PRKCH: variants seen among roughly 807,000 people sequenced by gnomAD.
The protein encoded by PRKCH is protein kinase C eta type.
A neutral mutation model predicts 82.5 loss-of-function variants in PRKCH; 28 were observed. The ratio of observed to expected loss-of-function variants is 0.34; its 90% CI spans 0.25 to 0.47. The LOEUF (loss-of-function observed/expected upper bound fraction) is 0.47, where lower values mean the gene tolerates loss of function less well. Among genes scored for constraint, PRKCH ranks in the 20% least tolerant of loss-of-function variants. The pLI, the probability that PRKCH is intolerant of heterozygous loss-of-function variation, is 1.00. For missense variants in PRKCH, 705 were observed against 881.8 expected (o/e 0.80, Z 2.54); for synonymous variants, 322 against 327.4 (o/e 0.98, Z 0.18).
intron 1 of PRKCH, among the ~76,000 whole-genome samples, chr14:61,229,651 T>C (rs1329930698): frequency 6.6e-6 from 1 of 151,802 alleles, no homozygotes; most frequent in African/African-American, 2.4e-5. Flanking sequence ...CATTGGAGGG[T>C]GGATTGGAAA....
chr14:61,293,596 A>T (rs79223966), intron 1 of PRKCH, among the ~76,000 whole-genome samples: 6,172 of 152,232 alleles, frequency 0.041, 201 homozygotes, highest in East Asian at 0.13. Context: ...GATTTTTTTT[A>T]AAATTGTTAA....
At chr14:61,411,607 A>C (rs1882273359) in intron 2 of PRKCH, among the ~76,000 whole-genome samples, 1 of 152,210 alleles carries the variant, frequency 6.6e-6, no homozygotes, top group African/African-American at 2.4e-5. Flanking sequence ...GAGTTTTTTC[A>C]AACTGCCTTA....
intron 1 of PRKCH, among the ~76,000 whole-genome samples, chr14:61,240,284 G>T (rs187384182): frequency 2.6e-5 from 4 of 152,190 alleles, no homozygotes; most frequent in Non-Finnish European, 5.9e-5. Context: ...CCCACATGCC[G>T]CAGAAAGCAG....
At chr14:61,341,587 CATCA>C (rs2045930396) in intron 1 of PRKCH, among the ~76,000 whole-genome samples, 1 of 152,204 alleles carries the variant, frequency 6.6e-6, no homozygotes, top group East Asian at 1.9e-4. Context: ...CCCACAGTTT[CATCA>C]TAGGGTAGTT....
At chr14:61,233,666 T>TTA (rs2044763001) in intron 1 of PRKCH, among the ~76,000 whole-genome samples, 1 of 152,164 alleles carries the variant, frequency 6.6e-6, no homozygotes, top group Non-Finnish European at 1.5e-5. Context: ...CCTCATGCTG[T>TTA]TCTTATAATA....
At chr14:61,265,497 A>C (rs1344830552) in intron 1 of PRKCH, among the ~76,000 whole-genome samples, 1 of 152,076 alleles carries the variant, frequency 6.6e-6, no homozygotes, top group Non-Finnish European at 1.5e-5. Flanking sequence ...CAAAAACAAA[A>C]ACCCTCACTT....
intron 2 of PRKCH, among the ~76,000 whole-genome samples, chr14:61,420,467 T>G (rs536391479): frequency 6.6e-6 from 1 of 152,292 alleles, no homozygotes; most frequent in South Asian, 2.1e-4. Flanking sequence ...ACGCATAGGC[T>G]CAGGGAGGGA....
intron 1 of PRKCH, among the ~76,000 whole-genome samples, chr14:61,242,434 G>A (rs1290343364): frequency 3.9e-5 from 6 of 152,228 alleles, no homozygotes; most frequent in African/African-American, 1.2e-4. Context: ...GAGTCTCACT[G>A]TCGCCCAGGC....
chr14:61,482,799 G>A (rs1490573678), intron 9 of PRKCH, among the ~76,000 whole-genome samples: 2 of 152,212 alleles, frequency 1.3e-5, no homozygotes, highest in African/African-American at 4.8e-5. Flanking sequence ...TGCCTCCAGG[G>A]CTGTAGATGG....
intron 10 of PRKCH, among the ~76,000 whole-genome samples, chr14:61,486,668 TTTTCTTTC>T (rs202061595): frequency 2.7e-5 from 4 of 149,864 alleles, no homozygotes; most frequent in South Asian, 2.1e-4. Flanking sequence ...GTTTTATTTC[TTTTCTTTC>T]TTTCTTTCTT....
At chr14:61,497,011 T>C (rs903128037) in intron 10 of PRKCH, among the ~76,000 whole-genome samples, 1 of 152,190 alleles carries the variant, frequency 6.6e-6, no homozygotes, top group African/African-American at 2.4e-5. Context: ...AATGAAAGCC[T>C]TCTGGAAAGT....
At chr14:61,230,229 C>T (rs968979676) in intron 1 of PRKCH, among the ~76,000 whole-genome samples, 5 of 152,170 alleles carry the variant, frequency 3.3e-5, no homozygotes, top group African/African-American at 1.2e-4. Flanking sequence ...AATGCATACG[C>T]TTCCTGTTTT....
intron 1 of PRKCH, among the ~76,000 whole-genome samples, chr14:61,367,585 T>C (rs1452249105): frequency 6.6e-6 from 1 of 151,980 alleles, no homozygotes; most frequent in Non-Finnish European, 1.5e-5. Context: ...CTGGCCTCTG[T>C]TGGACGTTTT....
At chr14:61,500,487 A>G (rs1886856503) in intron 10 of PRKCH, among the ~76,000 whole-genome samples, 1 of 152,082 alleles carries the variant, frequency 6.6e-6, no homozygotes, top group African/African-American at 2.4e-5. Context: ...TTGAACCACC[A>G]TGCCCATCCT....
intron 2 of PRKCH, among the ~76,000 whole-genome samples, chr14:61,431,837 T>C (rs529471164): frequency 1.3e-5 from 2 of 152,372 alleles, no homozygotes; most frequent in South Asian, 4.1e-4. Flanking sequence ...TTATCTGACG[T>C]TAATGTGGCT....
chr14:61,214,631 G>A (rs1290423824), intron 1 of PRKCH, among the ~76,000 whole-genome samples: 1 of 151,982 alleles, frequency 6.6e-6, no homozygotes, highest in African/African-American at 2.4e-5. Context: ...CTCTTCCTGG[G>A]GGGTAGTTTT....
intron 10 of PRKCH, among the ~76,000 whole-genome samples, chr14:61,491,078 C>A (rs1886432905): frequency 6.6e-6 from 1 of 152,132 alleles, no homozygotes; most frequent in African/African-American, 2.4e-5. Flanking sequence ...CTCTCTTACT[C>A]CTCAGTATTT....
chr14:61,461,208 C>T (rs991327009), intron 9 of PRKCH, among the ~76,000 whole-genome samples: 2 of 152,172 alleles, frequency 1.3e-5, no homozygotes, highest in Admixed American at 6.5e-5. Flanking sequence ...CCCTGGAGCT[C>T]CAGTTCTCCC....
At chr14:61,333,787 T>C (rs1055396188) in intron 1 of PRKCH, among the ~76,000 whole-genome samples, 2 of 152,206 alleles carry the variant, frequency 1.3e-5, no homozygotes, top group Non-Finnish European at 2.9e-5. Flanking sequence ...TAAAAAGAAA[T>C]AGGATTCATC....
Sources: allele counts gnomAD v4.1 joint callset (sites outside exome capture counted in the v4.1 genomes callset), GRCh38; gene constraint gnomAD v4.1.1; transcripts MANE v1.5; gene names NCBI Gene and HGNC (gene_info 2026-07-23, HGNC 2026-07-21).